Variants in CLASP1 observed in about 807,000 individuals in gnomAD.
The protein encoded by CLASP1 is CLIP-associating protein 1.
Under a neutral mutation model 192.3 loss-of-function variants are expected in CLASP1, and 38 were observed. The observed-to-expected ratio is 0.20, with a 90% CI of 0.15 to 0.26. CLASP1 has a LOEUF of 0.26. Among genes scored for constraint, CLASP1 ranks in the 10% least tolerant of loss-of-function variants. CLASP1 has a pLI of 1.00. For synonymous variants in CLASP1, 691 were observed against 712.8 expected (o/e 0.97, Z 0.49); for missense variants, 1,433 against 1,932.5 (o/e 0.74, Z 4.85).
At chr2:121,365,256 A>G in exon 36 of CLASP1, 1 of 1,613,426 alleles carries the variant, frequency 6.2e-7, no homozygotes, top group Non-Finnish European at 8.5e-7. Context: ...TCAGAAGGTC[A>G]GCCACCAGGT....
chr2:121,638,997 C>CCACCAGTA (rs1372366461), intron 1 of CLASP1, among the ~76,000 whole-genome samples: 1 of 152,146 alleles, frequency 6.6e-6, no homozygotes, highest in Non-Finnish European at 1.5e-5. Flanking sequence ...GCAAATGGGG[C>CCACCAGTA]CAGGTGCGGT....
At chr2:121,349,513 C>T (rs535834662) in intron 37 of CLASP1, among the ~76,000 whole-genome samples, 89 of 152,284 alleles carry the variant, frequency 5.8e-4, no homozygotes, top group African/African-American at 2.1e-3. Context: ...TTGTGGGACA[C>T]CTACAACTGG....
intron 2 of CLASP1, among the ~76,000 whole-genome samples, chr2:121,595,945 A>G (rs1313949055): frequency 2.6e-5 from 4 of 152,262 alleles, no homozygotes; most frequent in Admixed American, 2.6e-4. Context: ...TCTATGTAGT[A>G]AATATCATCA....
At chr2:121,451,673 T>G in intron 15 of CLASP1, 117 bp downstream of exon 15, 1 of 748,704 alleles carries the variant, frequency 1.3e-6, no homozygotes, top group South Asian at 1.7e-5. Flanking sequence ...GACGTAGTCA[T>G]GAAAACAAAC....
chr2:121,604,887 T>C (rs1284496942), intron 2 of CLASP1, among the ~76,000 whole-genome samples: 1 of 152,204 alleles, frequency 6.6e-6, no homozygotes, highest in African/African-American at 2.4e-5. Context: ...TAGCACCTAT[T>C]AGCAGTCATG....
intron 19 of CLASP1, among the ~76,000 whole-genome samples, chr2:121,434,131 G>T (rs937253919): frequency 6.6e-6 from 1 of 152,180 alleles, no homozygotes; most frequent in African/African-American, 2.4e-5. Context: ...TTAATGAGCA[G>T]TCTTAAAACT....
At chr2:121,558,375 G>A (rs909572612) in intron 2 of CLASP1, among the ~76,000 whole-genome samples, 1 of 152,172 alleles carries the variant, frequency 6.6e-6, no homozygotes, top group African/African-American at 2.4e-5. Flanking sequence ...TCTCTGCTAT[G>A]GTTTGAATGT....
At chr2:121,377,516 T>C (rs1558945442) in exon 34 of CLASP1, 4 of 1,604,722 alleles carry the variant, frequency 2.5e-6, no homozygotes, top group Non-Finnish European at 3.4e-6. Flanking sequence ...CACTCCTTTT[T>C]GCCATCTCGT....
chr2:121,435,253 T>C (rs2082103923), intron 19 of CLASP1, among the ~76,000 whole-genome samples: 1 of 152,176 alleles, frequency 6.6e-6, no homozygotes, highest in Non-Finnish European at 1.5e-5. Context: ...TTGGTTTATT[T>C]GACTTTATTT....
intron 19 of CLASP1, among the ~76,000 whole-genome samples, chr2:121,437,108 G>A (rs2082432344): frequency 6.6e-6 from 1 of 151,986 alleles, no homozygotes; most frequent in Non-Finnish European, 1.5e-5. Flanking sequence ...GGCTACAGGT[G>A]TGCACCACCA....
At chr2:121,402,675 A>G (rs760648440) in intron 26 of CLASP1, 1 of 518,732 alleles carries the variant, frequency 1.9e-6, no homozygotes, top group African/African-American at 1.9e-5. Context: ...TAGGGGTGAC[A>G]GGTAACAGAA....
At chr2:121,417,869 A>G (rs1361967234) in intron 23 of CLASP1, among the ~76,000 whole-genome samples, 3 of 152,240 alleles carry the variant, frequency 2.0e-5, no homozygotes, top group Non-Finnish European at 4.4e-5. Flanking sequence ...ATAAATACAT[A>G]GTTAAAATTA....
intron 35 of CLASP1, 93 bp downstream of exon 36, chr2:121,367,495 T>C: frequency 1.3e-6 from 2 of 1,528,516 alleles, no homozygotes; most frequent in Non-Finnish European, 1.8e-6. Flanking sequence ...CGTCTCCATT[T>C]ACATCTGACC....
rs1047845770 is a variant in CLASP1 at position 121,399,280 on chromosome 2, A to G, written c.2901-880T>C. Among the ~76,000 whole-genome samples, 10 of 152,232 alleles carry G rather than the reference A, an allele frequency of 6.6e-5. No individual in the cohort carries two copies. The East Asian group carries it at 1.9e-3, about 29-fold the overall frequency. On this transcript the variant is annotated intron_variant, in intron 28 of 39. Coordinates refer to ENST00000263710, the Ensembl canonical transcript of CLASP1. ...ATCAGGTACCAGTGTTATCCTACAT[A>G]TAATTACTAATAAAAAGTAAACTTG... is the stretch of plus-strand genomic sequence containing the variant.
intron 2 of CLASP1, among the ~76,000 whole-genome samples, chr2:121,537,840 TC>T: frequency 6.6e-6 from 1 of 152,308 alleles, no homozygotes; most frequent in African/African-American, 2.4e-5. Flanking sequence ...AACATGATTT[TC>T]CCCTTTATTA....
chr2:121,562,751 T>C (rs2059197326), intron 2 of CLASP1, among the ~76,000 whole-genome samples: 1 of 152,240 alleles, frequency 6.6e-6, no homozygotes, highest in African/African-American at 2.4e-5. Flanking sequence ...GTTCAGGTTT[T>C]GTCTTTCAAT....
intron 33 of CLASP1, 126 bp from the exon 35 acceptor site, chr2:121,377,775 G>C: frequency 1.6e-6 from 1 of 620,518 alleles, no homozygotes. Flanking sequence ...TGGGTGATTT[G>C]GAATGAAAAG....
At chr2:121,610,810 GAGC>G (rs1357969711) in intron 1 of CLASP1, among the ~76,000 whole-genome samples, 3 of 134,684 alleles carry the variant, frequency 2.2e-5, no homozygotes, top group African/African-American at 8.8e-5. Flanking sequence ...AGAGGAACTG[GAGC>G]AGGAGGAAGA....
intron 2 of CLASP1, among the ~76,000 whole-genome samples, chr2:121,563,904 G>T (rs1250421829): frequency 6.6e-6 from 1 of 152,192 alleles, no homozygotes; most frequent in Non-Finnish European, 1.5e-5. Context: ...CACATGGCTG[G>T]AGAGGCCTCA....
Sources: allele counts gnomAD v4.1 joint callset (sites outside exome capture counted in the v4.1 genomes callset), GRCh38; gene constraint gnomAD v4.1.1; transcripts MANE v1.5; gene names NCBI Gene and HGNC (gene_info 2026-07-23, HGNC 2026-07-21).